PTPRC: variants seen among roughly 807,000 people sequenced by gnomAD.
The protein encoded by PTPRC is receptor-type tyrosine-protein phosphatase C.
Under a neutral mutation model 155.9 loss-of-function variants are expected in PTPRC, and 44 were observed. The ratio of observed to expected loss-of-function variants is 0.28; its 90% confidence interval spans 0.22 to 0.36. PTPRC has a LOEUF of 0.36. Among genes scored for constraint, PTPRC ranks in the 10% least tolerant of loss-of-function variants. The pLI, the probability that PTPRC is intolerant of heterozygous loss-of-function variation, is 1.00. For missense variants in PTPRC, 1,401 were observed against 1,564.6 expected (o/e 0.90, Z 1.76); for synonymous variants, 525 against 533.1 (o/e 0.98, Z 0.21).
intron 2 of PTPRC, among the ~76,000 whole-genome samples, chr1:198,665,181 C>T (rs1165645836): frequency 4.0e-5 from 6 of 149,912 alleles, no homozygotes; most frequent in African/African-American, 1.5e-4. Flanking sequence ...GCTCCGCCTC[C>T]CGGGTTCACG....
At chr1:198,716,245 C>A (rs1177924077) in intron 12 of PTPRC, among the ~76,000 whole-genome samples, 1 of 152,116 alleles carries the variant, frequency 6.6e-6, no homozygotes, top group African/African-American at 2.4e-5. Flanking sequence ...ATGGATTCTG[C>A]ATCTAACATT....
intron 3 of PTPRC, among the ~76,000 whole-genome samples, chr1:198,695,421 CAAAA>C (rs11362541): frequency 5.7e-5 from 7 of 123,526 alleles, no homozygotes; most frequent in African/African-American, 1.5e-4. Context: ...ATATGTTAAG[CAAAA>C]AAAAAAAAAA....
intron 2 of PTPRC, among the ~76,000 whole-genome samples, chr1:198,646,330 G>A (rs1438210155): frequency 6.6e-6 from 1 of 151,626 alleles, no homozygotes; most frequent in African/African-American, 2.4e-5. Context: ...CTTATGCTTG[G>A]AATTTTCCTT....
intron 26 of PTPRC, 118 bp from the exon 27 acceptor site, chr1:198,747,991 A>G: frequency 7.0e-7 from 1 of 1,426,260 alleles, no homozygotes. Context: ...GCCTATAGGG[A>G]GCATATGCAA....
rs1271488077 is a variant in PTPRC, at chr1:198,694,097, C to T, written c.100+1724C>T. 6 of 1,548,516 alleles carry T rather than the reference C, an allele frequency of 3.9e-6. No homozygotes were observed. In the East Asian group the frequency reaches 1.5e-4, roughly 38 times the overall value. Reference sequence around the variant, plus strand: ...GTAGGGAAGCTGACAGTTCAGCCTTCAGTTGGTGGCCAAAGGCCCGAGAGC... The same window carrying T: ...GTAGGGAAGCTGACAGTTCAGCCTTTAGTTGGTGGCCAAAGGCCCGAGAGC... On this transcript the variant is annotated intron_variant, in intron 3 of 32. Coordinates refer to ENST00000442510, the MANE Select transcript of PTPRC (RefSeq NM_002838.5).
rs563372552 is a variant in PTPRC, at chr1:198,756,572, A to C, written c.*391A>C. 3.2e-4 allele frequency: 62 copies of C among 193,380 alleles called. 1 individual carries two copies. The South Asian group carries it at 4.4e-3, about 14-fold the overall frequency. 12.0% of individuals were successfully genotyped at this position (193,380 alleles called of 1,614,324 possible). On this transcript the variant is annotated 3_prime_UTR_variant, in exon 33 of 33. Transcript: ENST00000442510. The stretch of plus-strand genomic sequence containing the variant: ...AATACATTTTATATTAGAAGTGTTA[A>C]CTTAGCTTGAAGGATCTGTTTTTAA...
At position 198,696,850 on chromosome 1, in the gene PTPRC, A is replaced by G; in HGVS notation, c.239A>G (p.Asn80Ser). The G allele has an allele frequency of 6.2e-7, 1 of 1,614,124 alleles. No homozygotes were observed. The highest frequency in any genetic ancestry group is 8.5e-7 in the Non-Finnish European group (1 of 1,179,974). The change falls in exon 4 of 33, where the codon AAT becomes AGT. Residue 80 changes from asparagine (N) to serine (S), a missense_variant. Asn to Ser is a conservative substitution (Grantham distance 46, BLOSUM62 1). This residue lies in a region of PTPRC where 867 missense variants were observed against 970.4 expected (regional missense o/e 0.89). Transcript: ENST00000442510. ...ACCACAACTTCTCTTAGTCCAGACAATACTTCCACCCAAGTATCCCCGGAC... is the reference window on the plus strand; with the variant it reads ...ACCACAACTTCTCTTAGTCCAGACAGTACTTCCACCCAAGTATCCCCGGAC... Reference protein sequence around the residue: ...SETTTSLSPDNTSTQVSPDSL... With the variant: ...SETTTSLSPDSTSTQVSPDSL...
At chr1:198,723,235 T>C (rs1011338) in intron 15 of PTPRC, among the ~76,000 whole-genome samples, 33,895 of 151,780 alleles carry the variant, frequency 0.22, 4,679 homozygotes, top group African/African-American at 0.38. Flanking sequence ...CTTTCTCTAC[T>C]GGTTAACATT....
At chr1:198,638,976 T>A (rs1177656939), upstream of PTPRC, 5 of 381,680 alleles carry the variant, frequency 1.3e-5, no homozygotes, top group East Asian at 5.1e-5. Context: ...TTAGAACAAC[T>A]TTTTTGACTT....
At chr1:198,654,235 T>C (rs1330980644) in intron 2 of PTPRC, among the ~76,000 whole-genome samples, 1 of 151,822 alleles carries the variant, frequency 6.6e-6, no homozygotes, top group Non-Finnish European at 1.5e-5. Flanking sequence ...TTAAGGTCCA[T>C]CAAAATGCTG....
chr1:198,694,958 G>C (rs1453102848), intron 3 of PTPRC: 64 of 980,824 alleles, frequency 6.5e-5, no homozygotes, highest in Non-Finnish European at 7.6e-5. Context: ...ATTTATTTGT[G>C]AGTTATTTGG....
At chr1:198,676,110 G>T (rs1282758921) in intron 2 of PTPRC, among the ~76,000 whole-genome samples, 2 of 152,158 alleles carry the variant, frequency 1.3e-5, no homozygotes, top group East Asian at 3.8e-4. Context: ...AGTTGTTGTT[G>T]TTTTAATAAC....
chr1:198,756,174 G>C lies in PTPRC; in HGVS notation c.3914G>C (p.Gly1305Ala), dbSNP rs148331492. ...CCTGCAAGTCCAGCTTTAAATCAAG[G>C]TTCATAGGAAAAGACATAAATGAGG... ...NGPASPALNQ[G>A]S The change falls in exon 33 of 33, where the codon GGT becomes GCT. Residue 1305 changes from glycine to alanine, a missense_variant. Physicochemically the swap from Gly to Ala is moderately conservative, Grantham distance 60 (BLOSUM62 0). Around this residue, in one of 3 missense-constraint regions of PTPRC, gnomAD observed 400 missense variants for 389.5 expected, o/e 1.03. Transcript: ENST00000442510. 257 of 1,613,066 alleles carry C rather than the reference G, an allele frequency of 1.6e-4. 2 individuals carry two copies. The African/African-American group carries it at 3.1e-3, about 19-fold the overall frequency.
intron 7 of PTPRC, 68 bp downstream of exon 7, chr1:198,703,440 C>T (rs1331709796): frequency 1.2e-6 from 2 of 1,604,790 alleles, no homozygotes; most frequent in Non-Finnish European, 1.7e-6. Flanking sequence ...TCACAAGGGC[C>T]TTCCACCCAC....
At chr1:198,748,462 G>A (rs1464774715) in intron 27 of PTPRC, among the ~76,000 whole-genome samples, 3 of 151,712 alleles carry the variant, frequency 2.0e-5, no homozygotes, top group African/African-American at 7.2e-5. Context: ...TGTCATAAAA[G>A]AGAAATATAT....
Position 198,639,085 on chromosome 1 carries a change from T to C in PTPRC, c.-96T>C. 1.6e-6 allele frequency: 1 copy of C among 616,168 alleles called. No individual in the cohort carries two copies. The allele number at this position is 616,168 out of a possible 1,614,324, so 38.2% of individuals were successfully genotyped here. On this transcript the variant is annotated 5_prime_UTR_variant, in exon 1 of 33. Coordinates refer to ENST00000442510, the MANE Select transcript of PTPRC (RefSeq NM_002838.5). ...CATGCAGCTAGCAAGTGGTTTGTTC[T>C]TAGGGTAACAGAGGAGGAAATTGTT... is the stretch of plus-strand genomic sequence containing the variant.
rs1392507217 is a variant in PTPRC, at chr1:198,756,224, T to C, written c.*43T>C. The C allele has an allele frequency of 6.2e-7, 1 of 1,608,610 alleles. No individual in the cohort carries two copies. Among genetic ancestry groups the C allele is most frequent in the Non-Finnish European group, 8.5e-7 (1 of 1,176,486 alleles). ...GAAACTCCAAACCTCCTGTTAGCTG[T>C]TATTTCTATTTTTGTAGAAGTAGGA... On this transcript the variant is annotated 3_prime_UTR_variant, in exon 33 of 33. Coordinates refer to ENST00000442510, the MANE Select transcript of PTPRC (RefSeq NM_002838.5).
At chr1:198,734,568 A>C (rs1367086595) in intron 22 of PTPRC, 143 bp downstream of exon 22, 1 of 784,358 alleles carries the variant, frequency 1.3e-6, no homozygotes, top group Non-Finnish European at 2.2e-6. Flanking sequence ...TTTAATTTAA[A>C]ATTTTCATAC....
rs553765970 is a variant in PTPRC at position 198,649,556 on chromosome 1, T to C, written c.73+10215T>C. On this transcript the variant is annotated intron_variant, in intron 2 of 32. Coordinates refer to ENST00000442510, the MANE Select transcript of PTPRC (RefSeq NM_002838.5). Reference sequence around the variant, plus strand: ...GCTACTTTTAAAGTACTTAAAGAAGTCAGTCTTTGAAATCTTGCCCGGATT... The same window carrying C: ...GCTACTTTTAAAGTACTTAAAGAAGCCAGTCTTTGAAATCTTGCCCGGATT... 4.6e-5 allele frequency among the ~76,000 whole-genome samples: 7 copies of C among 151,950 alleles called. No individual in the cohort carries two copies. The East Asian group carries it at 1.4e-3, about 30-fold the overall frequency.
Sources: gnomAD v4.1 joint callset for allele counts (sites outside exome capture counted in the v4.1 genomes callset) on GRCh38, gnomAD v4.1.1 for gene constraint, gnomAD v4.1.1 regional missense constraint, MANE v1.5 for transcripts, NCBI Gene and HGNC (gene_info 2026-07-23, HGNC 2026-07-21) for gene names.